RNF20: variants seen among roughly 807,000 people sequenced by gnomAD.
RNF20 encodes ring finger protein 20, also known as E3 ubiquitin-protein ligase BRE1A.
A neutral mutation model predicts 126.2 loss-of-function variants in RNF20; 84 were observed. The observed-to-expected ratio is 0.67, with a 90% CI of 0.56 to 0.80. The LOEUF is 0.80. RNF20 is among the 30% of genes least tolerant of loss of function. The pLI is 0.00. For missense variants in RNF20, 869 were observed against 1,188.2 expected, an observed-to-expected ratio of 0.73 and a Z score of 3.95; for synonymous variants, 400 against 414.3, an observed-to-expected ratio of 0.97 and a Z score of 0.42.
chr9:101,540,733 A>G, intron 4 of RNF20, 60 bp from the exon 5 acceptor site: 1 of 1,590,968 alleles, frequency 6.3e-7, no homozygotes, highest in East Asian at 2.2e-5. Context: ...AAAAAAATGG[A>G]TTTTGTTATT....
At chr9:101,542,680 A>G (rs1827278379) in intron 5 of RNF20, among the ~76,000 whole-genome samples, 1 of 152,208 alleles carries the variant, frequency 6.6e-6, no homozygotes, top group Non-Finnish European at 1.5e-5. Flanking sequence ...TTAATATGCC[A>G]TGTGCATAGA....
At chr9:101,561,776 A>T in intron 18 of RNF20, 134 bp from the exon 19 acceptor site, 1 of 737,728 alleles carries the variant, frequency 1.4e-6, no homozygotes. Context: ...AGTTCTCTAC[A>T]TTTCTACAAG....
Position 101,543,447 on chromosome 9 carries a change from C to T in RNF20, c.629-1320C>T, listed in dbSNP as rs187570077. Among the ~76,000 whole-genome samples the T allele has an allele frequency of 5.0e-3, 739 of 147,652 alleles. 7 individuals are homozygous for T. The highest frequency in any genetic ancestry group is 9.2e-3 in the South Asian group (43 of 4,682). On this transcript the variant is annotated intron_variant, in intron 5 of 19. Coordinates refer to ENST00000389120, the MANE Select transcript of RNF20 (RefSeq NM_019592.7). Reference sequence around the variant, plus strand: ...GCACTGTCTAACTCTGCCAGGGCGGCACTGTCTAACCTGCCAAGGCAGCAC... The same window carrying T: ...GCACTGTCTAACTCTGCCAGGGCGGTACTGTCTAACCTGCCAAGGCAGCAC...
chr9:101,544,565 G>A (rs889665183), intron 5 of RNF20, among the ~76,000 whole-genome samples: 1 of 152,120 alleles, frequency 6.6e-6, no homozygotes, highest in African/African-American at 2.4e-5. Flanking sequence ...AATCATCCGG[G>A]TGTGGTGGCA....
chr9:101,535,705 T>A (rs1432678396), intron 2 of RNF20, among the ~76,000 whole-genome samples, 153 bp downstream of exon 2: 2 of 152,226 alleles, frequency 1.3e-5, no homozygotes, highest in Non-Finnish European at 2.9e-5. Flanking sequence ...GATGTGGTAG[T>A]CAGTTCTAGA....
intron 9 of RNF20, among the ~76,000 whole-genome samples, chr9:101,549,637 G>A (rs1360871145): frequency 6.6e-6 from 1 of 152,028 alleles, no homozygotes; most frequent in Non-Finnish European, 1.5e-5. Context: ...TGACACTTAC[G>A]CTACCGCTAG....
intron 3 of RNF20, 24 bp from the exon 4 acceptor site, chr9:101,540,466 A>C: frequency 6.2e-7 from 1 of 1,611,786 alleles, no homozygotes; most frequent in East Asian, 2.2e-5. Context: ...TTGTTTCTTC[A>C]TAATTGTACC....
At chr9:101,538,425 C>T (rs1014608631) in intron 2 of RNF20, among the ~76,000 whole-genome samples, 3 of 151,986 alleles carry the variant, frequency 2.0e-5, no homozygotes, top group African/African-American at 7.2e-5. Flanking sequence ...CAGAGCATGG[C>T]GGCAGGTGGT....
At chr9:101,547,300 A>G (rs1827366794) in intron 8 of RNF20, 86 bp downstream of exon 8, 3 of 1,598,206 alleles carry the variant, frequency 1.9e-6, no homozygotes, top group South Asian at 2.2e-5. Context: ...AAGTGACATC[A>G]TGGGGTTTTG....
At chr9:101,552,852 T>C (rs1020116576) in intron 13 of RNF20, 99 bp downstream of exon 13, 3 of 1,201,164 alleles carry the variant, frequency 2.5e-6, no homozygotes, top group Non-Finnish European at 3.5e-6. Flanking sequence ...TCTGATCGTT[T>C]TAATGTTTTA....
At chr9:101,538,581 A>C (rs1827218754) in intron 2 of RNF20, among the ~76,000 whole-genome samples, 1 of 152,156 alleles carries the variant, frequency 6.6e-6, no homozygotes, top group Non-Finnish European at 1.5e-5. Context: ...ACCACTAGAG[A>C]AGCCTGCAGG....
Position 101,552,418 on chromosome 9 carries a change from C to G in RNF20, c.1566C>G (p.Ser522=). The part of the protein sequence containing the change: ...RLRSGSALLQ[S]QSSTEDPKDE... ...GTAGTGGTAGTGCCCTCCTGCAGTC[C>G]CAGTCTAGTACTGAGGACCCGAAGG... is the stretch of plus-strand genomic sequence containing the variant. Residue 522 remains serine, a synonymous_variant, in exon 13 of 20, where the codon TCC becomes TCG. Coordinates refer to ENST00000389120, the MANE Select transcript of RNF20 (RefSeq NM_019592.7). 1 of 1,606,702 alleles carries G rather than the reference C, an allele frequency of 6.2e-7. No individual in the cohort carries two copies. Among genetic ancestry groups the G allele is most frequent in the Non-Finnish European group, 8.5e-7 (1 of 1,174,718 alleles).
At chr9:101,551,953 T>C in intron 11 of RNF20, 134 bp downstream of exon 11, 1 of 1,289,806 alleles carries the variant, frequency 7.8e-7, no homozygotes, top group African/African-American at 1.5e-5. Context: ...TAATTCATTT[T>C]GGTTCACAGC....
At position 101,552,325 on chromosome 9, in the gene RNF20, AG is replaced by A. The variant is rs1399202876; in HGVS notation, c.1531-56del. ...AATGTCGTAAAGCTGCTTTTGAATG[AG>A]GTCGGCAATGTGGTTATCATAAGAG... is the stretch of plus-strand genomic sequence containing the variant. On this transcript the variant is annotated intron_variant, in intron 12 of 19. Transcript: ENST00000389120. The A allele has an allele frequency of 1.7e-5, 28 of 1,612,280 alleles. No individual in the cohort carries two copies. The African/African-American group carries it at 3.1e-4, about 18-fold the overall frequency.
Position 101,551,227 on chromosome 9 carries a change from T to C in RNF20, c.1272+442T>C, listed in dbSNP as rs763759718. On this transcript the variant is annotated intron_variant, in intron 10 of 19. Transcript: ENST00000389120. ...AGCATGAGAAATAGTTTAATATGGC[T>C]AGAGCTTACGTGTATGTGAGAAAAT... Among the ~76,000 whole-genome samples the C allele has an allele frequency of 5.7e-4, 86 of 152,202 alleles. 1 individual carries two copies. Among genetic ancestry groups the C allele is most frequent in the Non-Finnish European group, 4.0e-4 (27 of 68,032 alleles).
rs1564112466 is a variant in RNF20 at position 101,557,428 on chromosome 9, C to A, written c.2214C>A (p.Ala738=). ...LLSEMDVTGQ[A]FEDMQEQNIR... is the part of the protein sequence containing the mutation. ...CTGAAATGGATGTCACAGGCCAGGC[C>A]TTTGAAGACATGCAGGAGCAAAATA... The change falls in exon 16 of 20, where the codon GCC becomes GCA. Residue 738 remains alanine, a synonymous_variant. Coordinates refer to ENST00000389120, the MANE Select transcript of RNF20 (RefSeq NM_019592.7). The A allele has an allele frequency of 1.2e-6, 2 of 1,614,002 alleles. No individual in the cohort carries two copies. The highest frequency in any genetic ancestry group is 4.5e-5 in the East Asian group (2 of 44,858).
intron 16 of RNF20, among the ~76,000 whole-genome samples, chr9:101,558,006 C>CTTTTTTT (rs200617735): frequency 7.8e-6 from 1 of 127,660 alleles, no homozygotes; most frequent in Non-Finnish European, 1.7e-5. Flanking sequence ...TGTGATTTTA[C>CTTTTTTT]TTTTTTTTTT....
chr9:101,546,810 T>C lies in RNF20; in HGVS notation c.748-10T>C. 2 of 1,614,038 alleles carry C rather than the reference T, an allele frequency of 1.2e-6. No individual in the cohort carries two copies. The highest frequency in any genetic ancestry group is 2.2e-5 in the East Asian group (1 of 44,882). ...CTATATGTTTCTGAATGTTTGTCTT[T>C]GGGATGTAGTTCTCCAAGTTGCAGA... On this transcript the variant is annotated splice_polypyrimidine_tract_variant and intron_variant, in intron 6 of 19. Coordinates refer to ENST00000389120, the MANE Select transcript of RNF20 (RefSeq NM_019592.7).
At chr9:101,552,007 A>G (rs1827454168) in intron 11 of RNF20, 134 bp from the exon 12 acceptor site, 5 of 1,361,592 alleles carry the variant, frequency 3.7e-6, no homozygotes, top group Non-Finnish European at 5.0e-6. Flanking sequence ...TTTTGTTTTC[A>G]TCTTCTGAGA....
Sources: allele counts gnomAD v4.1 joint callset (sites outside exome capture counted in the v4.1 genomes callset), GRCh38; gene constraint gnomAD v4.1.1; transcripts MANE v1.5; gene names NCBI Gene and HGNC (gene_info 2026-07-23, HGNC 2026-07-21).